PDHB: variants seen among roughly 807,000 people sequenced by gnomAD.
PDHB encodes pyruvate dehydrogenase E1 subunit beta.
Under a neutral mutation model 42.8 loss-of-function variants are expected in PDHB, and 17 were observed. The ratio of observed to expected loss-of-function variants is 0.40; its 90% CI spans 0.27 to 0.60. The LOEUF (loss-of-function observed/expected upper bound fraction) is 0.60, where lower values mean the gene tolerates loss of function less well. Among genes scored for constraint, PDHB ranks in the 20% least tolerant of loss-of-function variants. PDHB has a pLI of 0.46. For synonymous variants in PDHB, 154 were observed against 148.7 expected (o/e 1.04, Z -0.26); for missense variants, 322 against 451.3 (o/e 0.71, Z 2.60).
In PDHB at chr3:58,428,666, C is replaced by A. The variant is rs756246761; in HGVS notation, c.793-52G>T. Reference sequence around the variant, plus strand: ...CAGAGCTATTGCAGCACAAATAGAGCCTTATCCCCATAATACCATTTCCTT... The same window carrying A: ...CAGAGCTATTGCAGCACAAATAGAGACTTATCCCCATAATACCATTTCCTT... On this transcript the variant is annotated intron_variant, in intron 8 of 9. Transcript: ENST00000302746. The A allele has an allele frequency of 4.7e-6, 7 of 1,475,986 alleles. No individual in the cohort carries two copies. The South Asian group carries it at 5.7e-5, about 12-fold the overall frequency. The allele number at this position is 1,475,986 out of a possible 1,614,324, so 91.4% of individuals were successfully genotyped here.
chr3:58,430,081 TGAG>T (rs1560187498), intron 7 of PDHB, 44 bp downstream of exon 7: 4 of 1,172,284 alleles, frequency 3.4e-6, no homozygotes, highest in East Asian at 4.7e-5. Context: ...TTACCAAAAT[TGAG>T]GGGCTGGATT....
chr3:58,433,476 G>C, intron 2 of PDHB, 155 bp downstream of exon 2: 1 of 793,222 alleles, frequency 1.3e-6, no homozygotes, highest in Middle Eastern at 3.6e-4. Flanking sequence ...GCCAGGCGGC[G>C]ACAGAGGCAG....
chr3:58,432,302 C>T (rs1052196534), intron 2 of PDHB: 2 of 386,890 alleles, frequency 5.2e-6, no homozygotes, highest in Non-Finnish European at 9.7e-6. Context: ...AATTAACATA[C>T]AATCCATCAA....
chr3:58,430,973 G>C (rs1484325571), intron 5 of PDHB, 31 bp from the exon 6 acceptor site: 1 of 1,608,058 alleles, frequency 6.2e-7, no homozygotes, highest in Non-Finnish European at 8.5e-7. Context: ...ATGTTAAAAA[G>C]ACTAGAAACA....
Position 58,431,006 on chromosome 3 carries a change from TCACTC to T in PDHB, c.304-69_304-65del, listed in dbSNP as rs2062915262. ...ACAGCAACAAACAGTAGCAAACAAATCACTCCAAGTCTTCCAACATTCAAATAATG... is the reference window on the plus strand; with the variant it reads ...ACAGCAACAAACAGTAGCAAACAAATCAAGTCTTCCAACATTCAAATAATG... On this transcript the variant is annotated intron_variant, in intron 5 of 9. Coordinates refer to ENST00000302746, the MANE Select transcript of PDHB (RefSeq NM_000925.4). This position sits in a 1 kb window ranked among gnomAD's most constrained non-coding sequence, Gnocchi z 4.4. The T allele has an allele frequency of 7.2e-7, 1 of 1,385,188 alleles. No individual in the cohort carries two copies. Among genetic ancestry groups the T allele is most frequent in the African/African-American group, 1.4e-5 (1 of 70,538 alleles). 85.8% of individuals were successfully genotyped at this position (1,385,188 alleles called of 1,614,324 possible). A position where few individuals can be genotyped will look rare whatever the true frequency, so the allele number is the denominator to read the frequency against.
chr3:58,428,405 G>T, intron 9 of PDHB, 68 bp downstream of exon 9: 1 of 1,522,376 alleles, frequency 6.6e-7, no homozygotes, highest in Non-Finnish European at 9.1e-7. Flanking sequence ...TCTTTATCCT[G>T]TACGTATTCA....
intron 2 of PDHB, 135 bp from the exon 3 acceptor site, chr3:58,432,119 A>G: frequency 4.3e-6 from 3 of 705,462 alleles, no homozygotes; most frequent in Non-Finnish European, 7.7e-6. Context: ...CTAAAAACTC[A>G]AAGAATTCTA....
rs2062915850 is a variant in PDHB at position 58,431,055 on chromosome 3, ATTTTTT to A, written c.304-119_304-114del. ...AATAATGTTTTTATTTTTTATTTTT[ATTTTTT>A]ATGGACAGGGTCTCACTGTCACCCA... is the stretch of plus-strand genomic sequence containing the variant. On this transcript the variant is annotated intron_variant, in intron 5 of 9. Transcript: ENST00000302746. This position sits in a 1 kb window ranked among gnomAD's most constrained non-coding sequence, Gnocchi z 4.4. 6.3e-6 allele frequency: 7 copies of A among 1,103,696 alleles called. No homozygotes were observed. The highest frequency in any genetic ancestry group is 1.3e-6 in the Non-Finnish European group (1 of 742,930). The allele number at this position is 1,103,696 out of a possible 1,614,324, so 68.4% of individuals were successfully genotyped here. A position where few individuals can be genotyped will look rare whatever the true frequency, so the allele number is the denominator to read the frequency against.
chr3:58,429,377 G>A (rs765539259), intron 8 of PDHB, among the ~76,000 whole-genome samples: 17 of 151,812 alleles, frequency 1.1e-4, no homozygotes, highest in Non-Finnish European at 2.4e-4. Flanking sequence ...GGAGTTCACG[G>A]TTACAGTGAG....
chr3:58,430,963 AT>A, intron 5 of PDHB, 21 bp from the exon 6 acceptor site: 1 of 1,613,470 alleles, frequency 6.2e-7, no homozygotes, highest in Non-Finnish European at 8.5e-7. Flanking sequence ...AAAAACGTGG[AT>A]GTTAAAAAGA....
chr3:58,432,412 C>T (rs2062927841), intron 2 of PDHB: 1 of 254,260 alleles, frequency 3.9e-6, no homozygotes, highest in African/African-American at 2.3e-5. Context: ...ATAGACAAAA[C>T]AAGGCCAGGC....
At chr3:58,428,238 G>C in intron 9 of PDHB, 59 bp from the exon 10 acceptor site, 1 of 1,507,834 alleles carries the variant, frequency 6.6e-7, no homozygotes, top group South Asian at 1.1e-5. Context: ...CTACCACCTT[G>C]GCACAGAGGT....
At position 58,427,679 on chromosome 3, in the gene PDHB, G is replaced by A. The variant is rs2062879321; in HGVS notation, c.*355C>T. 2 of 392,832 alleles carry A rather than the reference G, an allele frequency of 5.1e-6. No homozygotes were observed. The highest frequency in any genetic ancestry group is 3.7e-5 in the South Asian group (2 of 53,522). The allele number at this position is 392,832 out of a possible 1,614,324, so 24.3% of individuals were successfully genotyped here. On this transcript the variant is annotated 3_prime_UTR_variant, in exon 10 of 10. Coordinates refer to ENST00000302746, the MANE Select transcript of PDHB (RefSeq NM_000925.4). ...TTATCAAAACAAACTAACAGTAAATGTATATTATATGCTTTAATTTTATAC... is the reference window on the plus strand; with the variant it reads ...TTATCAAAACAAACTAACAGTAAATATATATTATATGCTTTAATTTTATAC...
rs1393051554 is a variant in PDHB at position 58,428,000 on chromosome 3, A to G, written c.*34T>C. The G allele has an allele frequency of 3.3e-6, 5 of 1,508,718 alleles. No homozygotes were observed. The highest frequency in any genetic ancestry group is 4.6e-6 in the Non-Finnish European group (5 of 1,086,566). 93.5% of individuals were successfully genotyped at this position (1,508,718 alleles called of 1,614,324 possible). ...AGGTGCAGTGCCAGCAAGTATTTCA[A>G]ATAAATTTCAACGACTTGATATTCA... On this transcript the variant is annotated 3_prime_UTR_variant, in exon 10 of 10. Transcript: ENST00000302746.
chr3:58,432,306 C>A, intron 2 of PDHB: 1 of 380,826 alleles, frequency 2.6e-6, no homozygotes, highest in Non-Finnish European at 4.9e-6. Context: ...AACATACAAT[C>A]CATCAATTCC....
Position 58,431,739 on chromosome 3 carries a change from T to G in PDHB, c.259A>C (p.Ile87Leu). ...YGDKRIIDTP[I>L]SEMGFAGIAV... ...CCCACTGGAAGGCTTACCTCTGATA[T>G]GGGAGTGTCAATAATCCTCTTGTCT... is the stretch of plus-strand genomic sequence containing the variant. Residue 87 changes from isoleucine (I) to leucine (L), a missense_variant, in exon 4 of 10, where the codon ATA (isoleucine) becomes CTA (leucine). Coordinates refer to ENST00000302746, the MANE Select transcript of PDHB (RefSeq NM_000925.4). This position sits in a 1 kb window ranked among gnomAD's most constrained non-coding sequence, Gnocchi z 4.4. 1 of 1,613,476 alleles carries G rather than the reference T, an allele frequency of 6.2e-7. No homozygotes were observed. The highest frequency in any genetic ancestry group is 8.5e-7 in the Non-Finnish European group (1 of 1,179,376).
In PDHB at chr3:58,431,680, G is replaced by A. The variant is rs371327763; in HGVS notation, c.267+51C>T. On this transcript the variant is annotated intron_variant, in intron 4 of 9. Transcript: ENST00000302746. The surrounding 1 kb of genome is among the most constrained non-coding windows in gnomAD (Gnocchi z 4.4). ...GAAAATCCATAAAAATGAGGATAAT[G>A]GACACTAACAGACATGCCCTCCAGG... is the stretch of plus-strand genomic sequence containing the variant. The A allele has an allele frequency of 2.1e-5, 33 of 1,594,160 alleles. No individual in the cohort carries two copies. In the African/African-American group the frequency reaches 3.8e-4, roughly 18 times the overall value.
chr3:58,431,296 C>A lies in PDHB; in HGVS notation c.303+297G>T, dbSNP rs1576957608. On this transcript the variant is annotated intron_variant, in intron 5 of 9. Transcript: ENST00000302746. This position sits in a 1 kb window ranked among gnomAD's most constrained non-coding sequence, Gnocchi z 4.4. ...GGGCACAGTGGCTCACGCCTGTAAT[C>A]CCAGCACTTTGGGAGGCCAAGGCGG... 3.0e-5 allele frequency: 14 copies of A among 466,922 alleles called. No homozygotes were observed. The East Asian group carries it at 5.9e-4, about 20-fold the overall frequency. 28.9% of individuals were successfully genotyped at this position (466,922 alleles called of 1,614,324 possible).
rs2107943891 is a variant in PDHB at position 58,433,780 on chromosome 3, T to C, written c.30A>G (p.Arg10=). The C allele has an allele frequency of 1.9e-5, 30 of 1,611,720 alleles. No individual in the cohort carries two copies. The highest frequency in any genetic ancestry group is 2.5e-5 in the Non-Finnish European group (30 of 1,179,498). Reference sequence around the variant, plus strand: ...CGCTGCTGCCTACCTCCCGAAGGGGTCTCCGCACCAAGCCAGACACCGCCG... The same window carrying C: ...CGCTGCTGCCTACCTCCCGAAGGGGCCTCCGCACCAAGCCAGACACCGCCG... MAAVSGLVR[R]PLREVSGLLK... is the part of the protein sequence containing the mutation. The change falls in exon 1 of 10, where the codon AGA becomes AGG. Residue 10 remains arginine (R), a synonymous_variant. Coordinates refer to ENST00000302746, the MANE Select transcript of PDHB (RefSeq NM_000925.4).
Sources: gnomAD v4.1 joint callset for allele counts (sites outside exome capture counted in the v4.1 genomes callset) on GRCh38, gnomAD v4.1.1 for gene constraint, Gnocchi (gnomAD v3.1) non-coding constraint, MANE v1.5 for transcripts, NCBI Gene and HGNC (gene_info 2026-07-23, HGNC 2026-07-21) for gene names.